ZNF536: variants seen among roughly 807,000 people sequenced by gnomAD.
ZNF536 encodes the protein zinc finger protein 536.
A neutral mutation model predicts 84.5 loss-of-function variants in ZNF536; 13 were observed. The ratio of observed to expected loss-of-function variants is 0.15; its 90% CI spans 0.10 to 0.24. The LOEUF is 0.24. ZNF536 is among the 10% of genes least tolerant of loss of function. The pLI is 1.00. For missense variants in ZNF536, 1,536 were observed against 1,747.5 expected (o/e 0.88, Z 2.16); for synonymous variants, 811 against 742.5 (o/e 1.09, Z -1.50).
At chr19:30,571,725 A>G (rs2146555270) in intron 1 of ZNF536, among the ~76,000 whole-genome samples, 1 of 151,912 alleles carries the variant, frequency 6.6e-6, no homozygotes, top group Admixed American at 6.5e-5. Context: ...GGCCCCTCTC[A>G]CCACAGGCAT....
chr19:30,523,554 A>C (rs1425355285), intron 2 of ZNF536, among the ~76,000 whole-genome samples: 1 of 152,178 alleles, frequency 6.6e-6, no homozygotes, highest in Non-Finnish European at 1.5e-5. Flanking sequence ...TGGAAGGACA[A>C]GTGGCGACAA....
intron 2 of ZNF536, among the ~76,000 whole-genome samples, chr19:30,331,483 G>A (rs1216869845): frequency 6.6e-6 from 1 of 151,922 alleles, no homozygotes; most frequent in East Asian, 1.9e-4. Context: ...GGTCACCAAT[G>A]TCCTTGATTC....
chr19:30,395,107 C>T (rs558121571), intron 1 of ZNF536, among the ~76,000 whole-genome samples: 10 of 152,144 alleles, frequency 6.6e-5, no homozygotes, highest in South Asian at 4.1e-4. Context: ...TTAGGGCTTT[C>T]GTTGTGTACA....
At chr19:30,338,736 C>A (rs1300868677) in intron 2 of ZNF536, among the ~76,000 whole-genome samples, 1 of 152,108 alleles carries the variant, frequency 6.6e-6, no homozygotes, top group Non-Finnish European at 1.5e-5. Flanking sequence ...TGGACCCCAC[C>A]AAGGAGGGGC....
chr19:30,349,240 T>C (rs960386532), intron 2 of ZNF536, among the ~76,000 whole-genome samples: 5 of 152,244 alleles, frequency 3.3e-5, no homozygotes, highest in African/African-American at 9.6e-5. Context: ...GTTCCAAGTA[T>C]CTGGCTGCAA....
At chr19:30,393,496 G>A (rs1384537798) in intron 1 of ZNF536, among the ~76,000 whole-genome samples, 5 of 152,192 alleles carry the variant, frequency 3.3e-5, no homozygotes, top group Admixed American at 6.5e-5. Context: ...GCAGATGTTC[G>A]TCAGAGAATC....
intron 1 of ZNF536, among the ~76,000 whole-genome samples, chr19:30,418,481 G>T (rs1238068825): frequency 6.6e-6 from 1 of 152,136 alleles, no homozygotes; most frequent in Non-Finnish European, 1.5e-5. Flanking sequence ...GACTTCTAGG[G>T]TTTTTTGTAA....
intron 1 of ZNF536, among the ~76,000 whole-genome samples, chr19:30,563,270 C>T (rs2046235589): frequency 6.6e-6 from 1 of 152,154 alleles, no homozygotes; most frequent in Non-Finnish European, 1.5e-5. Flanking sequence ...TGGGATTCTT[C>T]CCATCCCTGG....
intron 1 of ZNF536, among the ~76,000 whole-genome samples, chr19:30,570,835 G>A (rs778045150): frequency 1.2e-4 from 18 of 152,106 alleles, no homozygotes; most frequent in Non-Finnish European, 2.1e-4. Flanking sequence ...AATAGCGTTC[G>A]CTGCTGATAG....
At chr19:30,651,614 G>A (rs1046678610) in intron 1 of ZNF536, among the ~76,000 whole-genome samples, 2 of 152,162 alleles carry the variant, frequency 1.3e-5, no homozygotes, top group African/African-American at 2.4e-5. Flanking sequence ...GACCCCAAAA[G>A]AAAACTTCCT....
chr19:30,290,954 C>T (rs2045818557), intron 2 of ZNF536, among the ~76,000 whole-genome samples: 1 of 152,128 alleles, frequency 6.6e-6, no homozygotes, highest in Non-Finnish European at 1.5e-5. Context: ...GTTTTCTGTT[C>T]CTGTGTTGTT....
At chr19:30,625,927 T>C (rs192590013) in intron 1 of ZNF536, among the ~76,000 whole-genome samples, 20 of 152,268 alleles carry the variant, frequency 1.3e-4, no homozygotes, top group Admixed American at 1.1e-3. Flanking sequence ...AGCTGCCCTA[T>C]AGAATTGAAA....
At chr19:30,539,994 C>T (rs1317150204) in intron 3 of ZNF536, among the ~76,000 whole-genome samples, 3 of 152,204 alleles carry the variant, frequency 2.0e-5, no homozygotes, top group Non-Finnish European at 4.4e-5. Flanking sequence ...AAATAAATCT[C>T]ATTAGTTTCT....
rs550480591 is a variant in ZNF536 at position 30,623,431 on chromosome 19, A to G, written c.169+73917A>G. Among the ~76,000 whole-genome samples, 10 of 152,304 alleles carry G rather than the reference A, an allele frequency of 6.6e-5. 1 individual carries two copies. The highest frequency in any genetic ancestry group is 2.4e-4 in the African/African-American group (10 of 41,568). ...TCTAGAGCCAAGGCAGTGGCCAGCA[A>G]TCCCCATGCAATCTGGCTTGCCACT... On this transcript the variant is annotated intron_variant, in intron 1 of 1. Transcript: ENST00000592773.
intron 1 of ZNF536, among the ~76,000 whole-genome samples, chr19:30,707,094 G>A (rs1020321411): frequency 3.3e-5 from 5 of 152,116 alleles, no homozygotes; most frequent in South Asian, 4.2e-4. Flanking sequence ...CGGGCCCACA[G>A]GGATGATAAC....
chr19:30,479,651 C>A (rs1417834251), intron 2 of ZNF536, among the ~76,000 whole-genome samples: 1 of 152,230 alleles, frequency 6.6e-6, no homozygotes, highest in Non-Finnish European at 1.5e-5. Flanking sequence ...GCCACCTGCG[C>A]TTGTTCCATT....
chr19:30,345,780 C>T (rs556996225), intron 2 of ZNF536, among the ~76,000 whole-genome samples: 1 of 152,338 alleles, frequency 6.6e-6, no homozygotes, highest in African/African-American at 2.4e-5. Context: ...ATGAAGTCTG[C>T]AGTCTTCATC....
intron 1 of ZNF536, among the ~76,000 whole-genome samples, chr19:30,258,935 C>G (rs1032414811): frequency 6.6e-6 from 1 of 152,078 alleles, no homozygotes; most frequent in African/African-American, 2.4e-5. Context: ...CCAGGCTGGT[C>G]TGGAACTCCT....
intron 2 of ZNF536, among the ~76,000 whole-genome samples, chr19:30,447,602 G>C (rs1220698656): frequency 1.3e-5 from 2 of 152,208 alleles, no homozygotes; most frequent in Non-Finnish European, 2.9e-5. Context: ...CTGTCACATG[G>C]AACATACTAA....
Sources: gnomAD v4.1 joint callset for allele counts (sites outside exome capture counted in the v4.1 genomes callset) on GRCh38, gnomAD v4.1.1 for gene constraint, MANE v1.5 for transcripts, NCBI Gene and HGNC (gene_info 2026-07-23, HGNC 2026-07-21) for gene names.